SLC22A25: variants seen among roughly 807,000 people sequenced by gnomAD.
SLC22A25 encodes the protein MGI:2442751, MGI:2385316, MGI:3042283, MGI:3645714, MGI:3605624, MGI:2442750.
In SLC22A25, 44 loss-of-function variants were observed where a neutral mutation model predicts 45.9. The observed-to-expected ratio is 0.96, with a 90% confidence interval of 0.75 to 1.23. The LOEUF is 1.23. SLC22A25 is among the 50% of genes most tolerant of loss of function. The pLI, the probability that SLC22A25 is intolerant of heterozygous loss-of-function variation, is 0.00. For missense variants in SLC22A25, 800 were observed against 666.4 expected, an observed-to-expected ratio of 1.20 and a Z score of -2.21; for synonymous variants, 283 against 238.6, an observed-to-expected ratio of 1.19 and a Z score of -1.72.
At chr11:63,208,993 A>G (rs898556603) in intron 7 of SLC22A25, among the ~76,000 whole-genome samples, 2 of 152,190 alleles carry the variant, frequency 1.3e-5, no homozygotes, top group Non-Finnish European at 2.9e-5. Context: ...AAAGTATTTA[A>G]AAAAAGGATT....
At chr11:63,224,906 T>C (rs1035931573) in intron 5 of SLC22A25, among the ~76,000 whole-genome samples, 1 of 152,190 alleles carries the variant, frequency 6.6e-6, no homozygotes, top group African/African-American at 2.4e-5. Context: ...GAGACCATCC[T>C]GGCTAACACG....
At chr11:63,184,291 A>G (rs915359976) in intron 7 of SLC22A25, among the ~76,000 whole-genome samples, 2 of 152,086 alleles carry the variant, frequency 1.3e-5, no homozygotes, top group Non-Finnish European at 2.9e-5. Flanking sequence ...ATTTACCTAA[A>G]TCTTCCTCAG....
intron 8 of SLC22A25, among the ~76,000 whole-genome samples, chr11:63,181,064 GA>G (rs1348468361): frequency 1.3e-5 from 2 of 151,908 alleles, no homozygotes; most frequent in African/African-American, 4.8e-5. Context: ...TCAGGATGGG[GA>G]AAAAAATGAA....
chr11:63,196,157 C>T (rs979951786), intron 7 of SLC22A25, among the ~76,000 whole-genome samples: 17 of 152,088 alleles, frequency 1.1e-4, no homozygotes, highest in Admixed American at 2.0e-4. Flanking sequence ...GATTCACAGC[C>T]GAATTCTACC....
chr11:63,232,200 T>C (rs1283312151), intron 3 of SLC22A25, among the ~76,000 whole-genome samples: 2 of 152,200 alleles, frequency 1.3e-5, no homozygotes, highest in African/African-American at 2.4e-5. Context: ...GGGGATGGCA[T>C]TGAATCTATA....
chr11:63,161,474 C>T lies in SLC22A25; in HGVS notation c.*2350G>A, dbSNP rs1181421426. On this transcript the variant is annotated 3_prime_UTR_variant, in exon 12 of 12. Transcript: ENST00000306494. The stretch of plus-strand genomic sequence containing the variant: ...CCCAATCTCATCTTGAATTGTAGCT[C>T]CCACAATTCCCACACATCATGGGAG... Among the ~76,000 whole-genome samples the T allele has an allele frequency of 6.6e-6, 1 of 152,120 alleles. No homozygotes were observed. The highest frequency in any genetic ancestry group is 1.9e-4 in the East Asian group (1 of 5,190).
At chr11:63,184,562 T>C (rs1260253317) in intron 7 of SLC22A25, among the ~76,000 whole-genome samples, 1 of 152,174 alleles carries the variant, frequency 6.6e-6, no homozygotes, top group Admixed American at 6.6e-5. Flanking sequence ...CAGGACAAGA[T>C]GTAAATTGTT....
chr11:63,167,652 G>A (rs2087730670), intron 9 of SLC22A25: 1 of 152,630 alleles, frequency 6.6e-6, no homozygotes, highest in Admixed American at 6.5e-5. Context: ...CTGAGAGAAA[G>A]GCAGCAGCCC....
At chr11:63,234,972 C>T (rs1011825755) in intron 3 of SLC22A25, among the ~76,000 whole-genome samples, 2 of 152,224 alleles carry the variant, frequency 1.3e-5, no homozygotes, top group Non-Finnish European at 2.9e-5. Flanking sequence ...GGCCCCCCCT[C>T]TCTTCTGGCT....
intron 7 of SLC22A25, among the ~76,000 whole-genome samples, chr11:63,205,030 T>G (rs771502071): frequency 6.6e-6 from 1 of 152,138 alleles, no homozygotes; most frequent in Non-Finnish European, 1.5e-5. Flanking sequence ...CACAACTACA[T>G]GGACACTGAA....
intron 9 of SLC22A25, among the ~76,000 whole-genome samples, chr11:63,175,760 C>T (rs2088062306): frequency 6.6e-6 from 1 of 151,616 alleles, no homozygotes; most frequent in African/African-American, 2.4e-5. Context: ...AATCCATTTT[C>T]AGTTGATTTT....
intron 4 of SLC22A25, 134 bp from the exon 5 acceptor site, chr11:63,228,698 A>T: frequency 1.6e-6 from 1 of 638,320 alleles, no homozygotes. Context: ...CCTGATATTC[A>T]CTGTTCAGGT....
At chr11:63,177,863 T>A (rs1352865539) in intron 9 of SLC22A25, among the ~76,000 whole-genome samples, 141 of 1,970 alleles carry the variant, frequency 0.072, 3 homozygotes, top group Middle Eastern at 0.33. Flanking sequence ...TGTATATATA[T>A]AATATATATA....
At position 63,197,225 on chromosome 11, in the gene SLC22A25, T is replaced by A. The variant is rs183050337; in HGVS notation, c.831-13408A>T. 7.2e-5 allele frequency among the ~76,000 whole-genome samples: 11 copies of A among 152,234 alleles called. No homozygotes were observed. In the East Asian group the frequency reaches 1.9e-3, roughly 27 times the overall value. On this transcript the variant is annotated intron_variant, in intron 7 of 11. Coordinates refer to ENST00000306494, the MANE Select transcript of SLC22A25 (RefSeq NM_199352.6). ...AATACCATCCCCATCAAGCTACCAA[T>A]GACTTTCTTCAAACAATCAGAAGAA... is the stretch of plus-strand genomic sequence containing the variant.
intron 9 of SLC22A25, among the ~76,000 whole-genome samples, chr11:63,177,791 G>A (rs1399734340): frequency 1.8e-5 from 2 of 108,224 alleles, no homozygotes; most frequent in South Asian, 3.8e-4. Context: ...CTACATATCC[G>A]ATTATATATA....
chr11:63,212,747 A>G (rs2089607697), intron 7 of SLC22A25, among the ~76,000 whole-genome samples: 2 of 152,058 alleles, frequency 1.3e-5, no homozygotes, highest in South Asian at 4.2e-4. Flanking sequence ...GCTTATGTAT[A>G]CATATGTAAC....
chr11:63,175,748 T>C (rs566883660), intron 9 of SLC22A25, among the ~76,000 whole-genome samples: 14 of 152,142 alleles, frequency 9.2e-5, no homozygotes, highest in Non-Finnish European at 1.9e-4. Flanking sequence ...TGTTAAGTCT[T>C]GAATCCATTT....
chr11:63,218,377 T>G (rs2089773707), intron 5 of SLC22A25, among the ~76,000 whole-genome samples: 1 of 152,088 alleles, frequency 6.6e-6, no homozygotes, highest in Non-Finnish European at 1.5e-5. Context: ...GGAAAAGGGT[T>G]TGAGAAACTA....
At chr11:63,236,146 G>T (rs2090159390) in intron 3 of SLC22A25, among the ~76,000 whole-genome samples, 1 of 152,182 alleles carries the variant, frequency 6.6e-6, no homozygotes, top group Non-Finnish European at 1.5e-5. Context: ...TGCGTGCTGG[G>T]AGAACCACTA....
Sources: allele counts gnomAD v4.1 joint callset (sites outside exome capture counted in the v4.1 genomes callset), GRCh38; gene constraint gnomAD v4.1.1; transcripts MANE v1.5; gene names NCBI Gene and HGNC (gene_info 2026-07-23, HGNC 2026-07-21).